Variants in PRKG1 observed in about 807,000 individuals in gnomAD.
PRKG1 encodes protein kinase cGMP-dependent 1, also known as cGMP-dependent protein kinase 1.
Under a neutral mutation model 88.1 loss-of-function variants are expected in PRKG1, and 35 were observed. The observed-to-expected ratio is 0.40, with a 90% CI of 0.30 to 0.53. The LOEUF is 0.53. Ranked by LOEUF, PRKG1 falls within the 20% of genes least tolerant of loss-of-function variation. PRKG1 has a pLI of 0.59. For missense variants in PRKG1, 540 were observed against 839.8 expected (o/e 0.64, Z 4.41); for synonymous variants, 303 against 292.5 (o/e 1.04, Z -0.37).
At chr10:51,267,845 G>A (rs955631748) in intron 2 of PRKG1, among the ~76,000 whole-genome samples, 20 of 152,080 alleles carry the variant, frequency 1.3e-4, no homozygotes, top group South Asian at 2.1e-4. Flanking sequence ...AGAAATAATC[G>A]TCAGACAACA....
At chr10:51,218,339 A>G (rs1838425396) in intron 2 of PRKG1, among the ~76,000 whole-genome samples, 1 of 151,676 alleles carries the variant, frequency 6.6e-6, no homozygotes, top group Non-Finnish European at 1.5e-5. Flanking sequence ...TATTCCCACC[A>G]TCTGTGGTTC....
At chr10:51,970,029 CACACACACACACACACACACA>C (rs1564733376) in intron 5 of PRKG1, among the ~76,000 whole-genome samples, 1 of 150,164 alleles carries the variant, frequency 6.7e-6, no homozygotes, top group African/African-American at 2.4e-5. Flanking sequence ...CACACACACA[CACACACACACACACACACACA>C]CCCATATTTA....
chr10:51,078,363 CACGT>C (rs1844017068), intron 1 of PRKG1, among the ~76,000 whole-genome samples: 1 of 149,912 alleles, frequency 6.7e-6, no homozygotes, highest in African/African-American at 2.5e-5. Context: ...GGATTACAGG[CACGT>C]GCCACCAATG....
At chr10:52,137,386 G>C (rs1360004343) in intron 8 of PRKG1, among the ~76,000 whole-genome samples, 1 of 151,914 alleles carries the variant, frequency 6.6e-6, no homozygotes, top group Admixed American at 6.6e-5. Context: ...TAGTCTAACA[G>C]AACCATCCAT....
intron 2 of PRKG1, among the ~76,000 whole-genome samples, chr10:51,387,516 C>A (rs1487171381): frequency 2.0e-5 from 3 of 151,916 alleles, no homozygotes; most frequent in African/African-American, 7.2e-5. Flanking sequence ...ATTCTCCCAG[C>A]AGGAATAGTT....
At chr10:51,860,516 G>T (rs566777629) in intron 4 of PRKG1, among the ~76,000 whole-genome samples, 51 of 152,242 alleles carry the variant, frequency 3.3e-4, no homozygotes, top group African/African-American at 1.1e-3. Flanking sequence ...TTCCAAACAG[G>T]GTGGGGGAGT....
intron 5 of PRKG1, among the ~76,000 whole-genome samples, chr10:51,954,665 A>G (rs1475465000): frequency 6.6e-6 from 1 of 152,206 alleles, no homozygotes; most frequent in Non-Finnish European, 1.5e-5. Flanking sequence ...GAGGAGTCAT[A>G]TGTATGTATC....
intron 5 of PRKG1, among the ~76,000 whole-genome samples, chr10:52,037,285 G>C (rs997385466): frequency 7.2e-5 from 11 of 152,368 alleles, no homozygotes; most frequent in African/African-American, 2.6e-4. Flanking sequence ...CAGGCATTTG[G>C]AAGTTCCTGT....
At chr10:51,168,413 T>TA (rs1667815720) in intron 2 of PRKG1, among the ~76,000 whole-genome samples, 1 of 152,130 alleles carries the variant, frequency 6.6e-6, no homozygotes, top group Admixed American at 6.5e-5. Context: ...TAATTTTAAT[T>TA]AAAATGTATT....
chr10:51,987,465 T>A (rs982466877), intron 5 of PRKG1, among the ~76,000 whole-genome samples: 16 of 151,534 alleles, frequency 1.1e-4, no homozygotes, highest in Admixed American at 7.2e-4. Flanking sequence ...TTACTTTTTT[T>A]TTTTTTTTTC....
At position 51,705,726 on chromosome 10, in the gene PRKG1, G is replaced by A. The variant is rs143198275; in HGVS notation, c.593-98859G>A. On this transcript the variant is annotated intron_variant, in intron 3 of 17. Coordinates refer to ENST00000373980, the MANE Select transcript of PRKG1 (RefSeq NM_006258.4). Reference sequence around the variant, plus strand: ...GGCAGTCATAGTTCCTCAATTTATAGGTAAAGAACAGAGGCACAGAGAAGT... The same window carrying A: ...GGCAGTCATAGTTCCTCAATTTATAAGTAAAGAACAGAGGCACAGAGAAGT... Among the ~76,000 whole-genome samples, 273 of 152,240 alleles carry A rather than the reference G, an allele frequency of 1.8e-3. 1 individual carries two copies. Among genetic ancestry groups the A allele is most frequent in the African/African-American group, 6.3e-3 (262 of 41,534 alleles).
chr10:51,157,280 C>T (rs532861335), intron 2 of PRKG1, among the ~76,000 whole-genome samples: 22 of 151,720 alleles, frequency 1.5e-4, no homozygotes, highest in Non-Finnish European at 2.5e-4. Context: ...GTAGAAGTTT[C>T]GATTTCAAGT....
chr10:51,650,010 G>A (rs368417177), intron 3 of PRKG1, among the ~76,000 whole-genome samples: 7 of 152,094 alleles, frequency 4.6e-5, no homozygotes, highest in Non-Finnish European at 8.8e-5. Context: ...CTATGGTGCC[G>A]GCCCGAGAGT....
chr10:51,164,795 T>C (rs1222402275), intron 2 of PRKG1, among the ~76,000 whole-genome samples: 1 of 151,840 alleles, frequency 6.6e-6, no homozygotes, highest in Non-Finnish European at 1.5e-5. Flanking sequence ...AGAAAGGGTA[T>C]CAGTGATGGA....
At chr10:51,431,916 C>T (rs541664849) in intron 2 of PRKG1, among the ~76,000 whole-genome samples, 2 of 152,256 alleles carry the variant, frequency 1.3e-5, no homozygotes, top group South Asian at 4.1e-4. Context: ...GTTTTTACCA[C>T]ATATGGAAAA....
intron 2 of PRKG1, among the ~76,000 whole-genome samples, chr10:51,427,447 C>T (rs962415597): frequency 1.3e-5 from 2 of 152,164 alleles, no homozygotes; most frequent in African/African-American, 4.8e-5. Context: ...CACCAAAAGG[C>T]ATGTGTGCTG....
intron 3 of PRKG1, among the ~76,000 whole-genome samples, chr10:51,803,754 T>C (rs1839234787): frequency 6.6e-6 from 1 of 152,202 alleles, no homozygotes; most frequent in South Asian, 2.1e-4. Context: ...TAAAATATTT[T>C]ATGTCATGAA....
chr10:51,893,546 A>G (rs567017001), intron 4 of PRKG1, among the ~76,000 whole-genome samples: 28 of 152,262 alleles, frequency 1.8e-4, no homozygotes, highest in Admixed American at 7.9e-4. Context: ...ACCCTGGGTC[A>G]GAACCACTGT....
intron 6 of PRKG1, 115 bp downstream of exon 6, chr10:52,054,676 C>T (rs775127797): frequency 2.1e-5 from 17 of 823,470 alleles, no homozygotes; most frequent in Non-Finnish European, 3.3e-5. Context: ...CATTTTTTGA[C>T]ACAGAGAGGT....
Sources: allele counts gnomAD v4.1 joint callset (sites outside exome capture counted in the v4.1 genomes callset), GRCh38; gene constraint gnomAD v4.1.1; transcripts MANE v1.5; gene names NCBI Gene and HGNC (gene_info 2026-07-23, HGNC 2026-07-21).